The following FREM1 variants were observed in gnomAD, a reference collection of about 807,000 sequenced individuals.
FREM1 encodes FRAS1-related extracellular matrix protein 1.
In FREM1, 220 loss-of-function variants were observed where a neutral mutation model predicts 210.1. The ratio of observed to expected loss-of-function variants is 1.05; its 90% CI spans 0.94 to 1.17. The LOEUF (loss-of-function observed/expected upper bound fraction) is 1.17, where lower values mean the gene tolerates loss of function less well. Ranked by LOEUF, FREM1 falls within the 50% of genes most tolerant of loss-of-function variation. FREM1 has a pLI of 0.00. For synonymous variants in FREM1, 1,189 were observed against 980.2 expected (o/e 1.21, Z -3.98); for missense variants, 3,454 against 2,675.5 (o/e 1.29, Z -6.42).
chr9:14,842,453 T>A lies in FREM1; in HGVS notation c.1601A>T (p.Glu534Val), dbSNP rs1235730297. The change falls in exon 9 of 37, where the codon GAG (glutamate) becomes GTG (valine). Residue 534 changes from glutamate (E) to valine (V), a missense_variant. Coordinates refer to ENST00000380880, the MANE Select transcript of FREM1 (RefSeq NM_001379081.2). The part of the protein sequence containing the change: ...LITNVVIELE[E>V]GQTILIQGSM... ...TCCCTGGATCAGGATGGTCTGCCCC[T>A]CCTCCAGTTCAATCACAACATTGGT... The A allele has an allele frequency of 6.2e-7, 1 of 1,613,994 alleles. No individual in the cohort carries two copies. The highest frequency in any genetic ancestry group is 8.5e-7 in the Non-Finnish European group (1 of 1,179,854).
intron 23 of FREM1, among the ~76,000 whole-genome samples, 191 bp downstream of exon 23, chr9:14,788,728 G>A (rs893700309): frequency 1.3e-5 from 2 of 152,072 alleles, no homozygotes; most frequent in Non-Finnish European, 2.9e-5. Context: ...CTACTTCTGT[G>A]AACCACATAG....
intron 18 of FREM1, 34 bp downstream of exon 18, chr9:14,806,627 G>A: frequency 3.3e-6 from 4 of 1,211,076 alleles, no homozygotes; most frequent in East Asian, 2.4e-5. Context: ...ATATAAGGAA[G>A]GGAGTCATTG....
At chr9:14,875,282 C>A (rs990092469) in intron 1 of FREM1, among the ~76,000 whole-genome samples, 2 of 152,176 alleles carry the variant, frequency 1.3e-5, no homozygotes, top group African/African-American at 4.8e-5. Context: ...TGGTTCCATT[C>A]TCCCCATCAC....
At chr9:14,763,401 T>C (rs963042000) in intron 27 of FREM1, among the ~76,000 whole-genome samples, 5 of 152,044 alleles carry the variant, frequency 3.3e-5, no homozygotes, top group African/African-American at 9.7e-5. Flanking sequence ...TTCATCACAA[T>C]AGAAAAAGCT....
intron 16 of FREM1, among the ~76,000 whole-genome samples, chr9:14,809,169 C>T (rs1030235216): frequency 2.6e-5 from 4 of 152,206 alleles, no homozygotes; most frequent in African/African-American, 9.6e-5. Context: ...CCTGCACAAG[C>T]TCTCTTTGCT....
chr9:14,878,600 T>A (rs1476410113), intron 1 of FREM1, among the ~76,000 whole-genome samples: 1 of 152,222 alleles, frequency 6.6e-6, no homozygotes, highest in African/African-American at 2.4e-5. Flanking sequence ...ACAGTAATTG[T>A]GGTTTTCACC....
At chr9:14,839,325 A>G (rs1825206292) in intron 10 of FREM1, among the ~76,000 whole-genome samples, 1 of 152,208 alleles carries the variant, frequency 6.6e-6, no homozygotes. Flanking sequence ...GCAAGTTTTT[A>G]GGGACACATG....
At chr9:14,819,585 T>C (rs943609291) in intron 13 of FREM1, 143 bp from the exon 14 acceptor site, 3 of 574,592 alleles carry the variant, frequency 5.2e-6, no homozygotes, top group Non-Finnish European at 6.0e-6. Context: ...GATAAGTTCA[T>C]AGCTAGACAT....
At position 14,819,326 on chromosome 9, in the gene FREM1, T is replaced by C; in HGVS notation, c.2454A>G (p.Glu818=). Residue 818 remains glutamate (E), a synonymous_variant, in exon 14 of 37, where the codon GAA becomes GAG. Transcript: ENST00000380880. ...KLDNIDLSLR[E]LPLHGRVELN... ...GCTCCACCCTTCCGTGCAGAGGCAA[T>C]TCCCGCAGGGAGAGGTCAATATTGT... The C allele has an allele frequency of 6.2e-7, 1 of 1,613,842 alleles. No individual in the cohort carries two copies. Among genetic ancestry groups the C allele is most frequent in the Non-Finnish European group, 8.5e-7 (1 of 1,179,730 alleles).
Position 14,737,588 on chromosome 9 carries a change from G to A in FREM1, c.6348C>T (p.Asn2116=), listed in dbSNP as rs748519647. The A allele has an allele frequency of 1.2e-5, 19 of 1,557,576 alleles. No homozygotes were observed. Among genetic ancestry groups the A allele is most frequent in the Middle Eastern group, 3.4e-4 (2 of 5,876 alleles). Residue 2116 remains asparagine, a synonymous_variant, in exon 37 of 37, where the codon AAC becomes AAT. Transcript: ENST00000380880. ...CCCAGTGGCCAGCATGCACTTGGTC[G>A]TTCAAACCTAATGTGAACCAAAAGA... is the stretch of plus-strand genomic sequence containing the variant. ...GGRKSFWIGL[N]DQVHAGHWEW...
chr9:14,834,177 C>T (rs1355760051), intron 10 of FREM1, among the ~76,000 whole-genome samples: 2 of 152,076 alleles, frequency 1.3e-5, no homozygotes, highest in African/African-American at 2.4e-5. Flanking sequence ...ACGCTCTTAG[C>T]CACCTGGAAA....
rs770478395 is a variant in FREM1, at chr9:14,737,516, C to A, written c.6420G>T (p.Gly2140=). ...EPVAFTNGRR[G]PSQRSKLGKS... ...TTCCAAGCTTGGAGCGTTGAGAGGG[C>A]CCTCTTCTCCCATTGGTGAAGGCAA... is the stretch of plus-strand genomic sequence containing the variant. Residue 2140 remains glycine, a synonymous_variant, in exon 37 of 37, where the codon GGG becomes GGT. Coordinates refer to ENST00000380880, the MANE Select transcript of FREM1 (RefSeq NM_001379081.2). 4.3e-6 allele frequency: 7 copies of A among 1,612,348 alleles called. No homozygotes were observed. The highest frequency in any genetic ancestry group is 1.1e-5 in the South Asian group (1 of 90,794).
At chr9:14,896,976 A>G (rs1335146279) in intron 1 of FREM1, among the ~76,000 whole-genome samples, 1 of 152,220 alleles carries the variant, frequency 6.6e-6, no homozygotes, top group Non-Finnish European at 1.5e-5. Flanking sequence ...GCAGCAGAAA[A>G]CAGATCAACC....
In FREM1 at chr9:14,797,562, T is replaced by C. The variant is rs779962707; in HGVS notation, c.3775A>G (p.Lys1259Glu). 1.2e-5 allele frequency: 19 copies of C among 1,612,854 alleles called. No homozygotes were observed. Among genetic ancestry groups the C allele is most frequent in the Admixed American group, 5.0e-5 (3 of 59,986 alleles). ...FTIQLSDGKH[K>E]ILKTISVEVI... is the part of the protein sequence containing the mutation. ...TCTACTGAAATGGTTTTAAGTATCT[T>C]ATGTTTCCCATCTGACAATTGGATT... The change falls in exon 21 of 37, where the codon AAG becomes GAG. Residue 1259 changes from lysine to glutamate, a missense_variant. Physicochemically the swap from Lys to Glu is moderately conservative, Grantham distance 56. Coordinates refer to ENST00000380880, the MANE Select transcript of FREM1 (RefSeq NM_001379081.2).
At chr9:14,788,812 G>A (rs1304658795) in intron 23 of FREM1, 107 bp downstream of exon 23, 13 of 869,860 alleles carry the variant, frequency 1.5e-5, no homozygotes, top group Non-Finnish European at 1.7e-6. Context: ...AAGAGTGGCA[G>A]GAAAAAAGGA....
Position 14,774,511 on chromosome 9 carries a change from A to ATCTCTCTCTC in FREM1, c.4857+1268_4857+1277dup, listed in dbSNP as rs36211636. ...CCAATGAGCCAATTTCCTAAAATAA[A>ATCTCTCTCTC]TCTCTCTCTCTCTCTCTCTCTCTCT... On this transcript the variant is annotated intron_variant, in intron 25 of 36. Coordinates refer to ENST00000380880, the MANE Select transcript of FREM1 (RefSeq NM_001379081.2). 1.0e-3 allele frequency among the ~76,000 whole-genome samples: 143 copies of ATCTCTCTCTC among 136,322 alleles called. 1 individual carries two copies. Among genetic ancestry groups the ATCTCTCTCTC allele is most frequent in the East Asian group, 2.8e-3 (12 of 4,272 alleles). The allele number at this position is 136,322 out of a possible 152,430, so 89.4% of individuals were successfully genotyped here. A position where few individuals can be genotyped will look rare whatever the true frequency, so the allele number is the denominator to read the frequency against.
chr9:14,825,395 G>T (rs1403518035), intron 10 of FREM1, among the ~76,000 whole-genome samples: 3 of 150,446 alleles, frequency 2.0e-5, no homozygotes, highest in Non-Finnish European at 2.9e-5. Flanking sequence ...GGCTGAGGCA[G>T]GAGAATCACT....
intron 22 of FREM1, among the ~76,000 whole-genome samples, 190 bp downstream of exon 22, chr9:14,792,553 T>C (rs549494042): frequency 3.3e-5 from 5 of 152,316 alleles, no homozygotes; most frequent in African/African-American, 1.2e-4. Context: ...TTAATATTTG[T>C]TGAATTTACC....
At chr9:14,749,440 G>T (rs986908728) in intron 30 of FREM1, among the ~76,000 whole-genome samples, 1 of 152,042 alleles carries the variant, frequency 6.6e-6, no homozygotes, top group African/African-American at 2.4e-5. Flanking sequence ...GGACCACAGG[G>T]CATGACAGGT....
Sources: allele counts gnomAD v4.1 joint callset (sites outside exome capture counted in the v4.1 genomes callset), GRCh38; gene constraint gnomAD v4.1.1; transcripts MANE v1.5; gene names NCBI Gene and HGNC (gene_info 2026-07-23, HGNC 2026-07-21).